The following MACROD2 variants were observed in gnomAD, a reference collection of about 807,000 sequenced individuals.
The protein encoded by MACROD2 is mono-ADP ribosylhydrolase 2.
MACROD2 carries 36 observed loss-of-function variants against 70.4 expected under a neutral mutation model. The ratio of observed to expected loss-of-function variants is 0.51; its 90% CI spans 0.39 to 0.68. The LOEUF is 0.68. Ranked by LOEUF, MACROD2 falls within the 30% of genes least tolerant of loss-of-function variation. The pLI, the probability that MACROD2 is intolerant of heterozygous loss-of-function variation, is 0.00. For missense variants in MACROD2, 496 were observed against 538.4 expected (o/e 0.92, Z 0.78); for synonymous variants, 172 against 178.8 (o/e 0.96, Z 0.30).
chr20:14,274,238 A>C (rs1008289558), intron 3 of MACROD2, among the ~76,000 whole-genome samples: 7 of 152,198 alleles, frequency 4.6e-5, no homozygotes, highest in African/African-American at 1.7e-4. Context: ...TTGATGCAAA[A>C]ATCCTCAATA....
intron 5 of MACROD2, among the ~76,000 whole-genome samples, chr20:15,021,126 G>A (rs1188681683): frequency 2.5e-4 from 30 of 120,868 alleles, no homozygotes; most frequent in Non-Finnish European, 3.2e-4. Context: ...ATACACGTGT[G>A]TATACACATA....
At chr20:15,197,146 T>G in intron 5 of MACROD2, 1 of 355,906 alleles carries the variant, frequency 2.8e-6, no homozygotes, top group Non-Finnish European at 3.9e-6. Context: ...GAGTGACTCT[T>G]TTTTAAGGTA....
chr20:15,941,507 C>T (rs541613372), intron 12 of MACROD2, among the ~76,000 whole-genome samples: 72 of 151,922 alleles, frequency 4.7e-4, no homozygotes, highest in African/African-American at 1.6e-3. Flanking sequence ...AAAAAAAATC[C>T]GTTGAAATCC....
chr20:15,229,873 A>T (rs1228831066), intron 5 of MACROD2, 67 bp from the exon 6 acceptor site: 1 of 1,481,126 alleles, frequency 6.8e-7, no homozygotes, highest in African/African-American at 1.4e-5. Context: ...TAAATAAAGT[A>T]TTAATTATGT....
intron 3 of MACROD2, among the ~76,000 whole-genome samples, chr20:14,119,525 G>A (rs555810079): frequency 5.8e-4 from 88 of 152,084 alleles, no homozygotes; most frequent in African/African-American, 2.0e-3. Flanking sequence ...TGCTTCAAGT[G>A]TTTCTGTAAC....
At chr20:14,351,444 A>T (rs566846704) in intron 3 of MACROD2, among the ~76,000 whole-genome samples, 9 of 151,816 alleles carry the variant, frequency 5.9e-5, no homozygotes, top group African/African-American at 2.2e-4. Context: ...TATATTTTTA[A>T]TTGTACAGAT....
intron 5 of MACROD2, among the ~76,000 whole-genome samples, chr20:14,715,042 G>A (rs1412298802): frequency 7.9e-5 from 12 of 152,252 alleles, no homozygotes; most frequent in African/African-American, 2.9e-4. Flanking sequence ...ACATACCTGA[G>A]ACTGGGTAAT....
intron 3 of MACROD2, among the ~76,000 whole-genome samples, chr20:14,179,352 T>A (rs1435343943): frequency 3.9e-5 from 6 of 152,238 alleles, no homozygotes; most frequent in Non-Finnish European, 7.3e-5. Flanking sequence ...CTACATAGTG[T>A]AACATAATAA....
intron 5 of MACROD2, among the ~76,000 whole-genome samples, chr20:14,947,442 AAGGGTGTTG>A (rs1350097700): frequency 6.6e-6 from 1 of 152,142 alleles, no homozygotes; most frequent in East Asian, 1.9e-4. Flanking sequence ...CCTACCTCAC[AAGGGTGTTG>A]TAAAGAATAA....
intron 2 of MACROD2, among the ~76,000 whole-genome samples, chr20:14,056,865 A>G (rs754002940): frequency 1.2e-4 from 18 of 151,390 alleles, no homozygotes; most frequent in Non-Finnish European, 2.1e-4. Flanking sequence ...TCATGTATTT[A>G]TGATAATTTT....
At chr20:15,203,561 G>A (rs907852868) in intron 5 of MACROD2, among the ~76,000 whole-genome samples, 2 of 151,968 alleles carry the variant, frequency 1.3e-5, no homozygotes, top group Admixed American at 1.3e-4. Flanking sequence ...TATAAACATG[G>A]TACCTTTTAC....
At chr20:14,250,650 A>G (rs780632718) in intron 3 of MACROD2, among the ~76,000 whole-genome samples, 5 of 152,174 alleles carry the variant, frequency 3.3e-5, no homozygotes, top group Non-Finnish European at 5.9e-5. Flanking sequence ...TTTTACGCAT[A>G]TAATTTGCCA....
intron 8 of MACROD2, among the ~76,000 whole-genome samples, chr20:15,682,642 A>C (rs925765988): frequency 6.6e-6 from 1 of 152,212 alleles, no homozygotes; most frequent in Non-Finnish European, 1.5e-5. Flanking sequence ...TTGGCCATGC[A>C]GGTGGAATTT....
intron 3 of MACROD2, among the ~76,000 whole-genome samples, chr20:14,266,188 T>C (rs2082142973): frequency 6.6e-6 from 1 of 152,208 alleles, no homozygotes; most frequent in Non-Finnish European, 1.5e-5. Flanking sequence ...ACACATTCTC[T>C]AGGCCTAACT....
At chr20:15,018,940 T>C (rs960915200) in intron 5 of MACROD2, among the ~76,000 whole-genome samples, 5 of 152,214 alleles carry the variant, frequency 3.3e-5, no homozygotes, top group African/African-American at 1.2e-4. Flanking sequence ...TCCAGAGGCA[T>C]CCCTCGAAGC....
intron 7 of MACROD2, among the ~76,000 whole-genome samples, chr20:15,482,051 C>T (rs2047105393): frequency 6.6e-6 from 1 of 152,136 alleles, no homozygotes; most frequent in Non-Finnish European, 1.5e-5. Flanking sequence ...CATGCCTATC[C>T]AGGCTCGGAT....
chr20:15,242,404 T>C (rs2077067583), intron 6 of MACROD2, among the ~76,000 whole-genome samples: 1 of 152,240 alleles, frequency 6.6e-6, no homozygotes, highest in Non-Finnish European at 1.5e-5. Context: ...ATGTAATTCA[T>C]AATCATTTTT....
intron 5 of MACROD2, among the ~76,000 whole-genome samples, chr20:15,166,026 G>T (rs1051759453): frequency 6.6e-6 from 1 of 152,158 alleles, no homozygotes; most frequent in Non-Finnish European, 1.5e-5. Flanking sequence ...TTCTATTGAT[G>T]CGAAATATTT....
At chr20:14,800,088 T>TA (rs11481439) in intron 5 of MACROD2, among the ~76,000 whole-genome samples, 130,847 of 151,846 alleles carry the variant, frequency 0.86, 56,873 homozygotes, top group African/African-American at 0.92. Context: ...CACTGGATGG[T>TA]CCCAGTCACA....
Sources: allele counts gnomAD v4.1 joint callset (sites outside exome capture counted in the v4.1 genomes callset), GRCh38; gene constraint gnomAD v4.1.1; transcripts MANE v1.5; gene names NCBI Gene and HGNC (gene_info 2026-07-23, HGNC 2026-07-21).